Variants in WDPCP observed in about 807,000 individuals in gnomAD.
WDPCP encodes the protein WD repeat containing planar cell polarity effector.
In WDPCP, 71 loss-of-function variants were observed where a neutral mutation model predicts 93.1. The observed-to-expected ratio is 0.76, with a 90% CI of 0.63 to 0.93. The LOEUF (loss-of-function observed/expected upper bound fraction) is 0.93, where lower values mean the gene tolerates loss of function less well. Ranked by LOEUF, WDPCP falls within the 40% of genes least tolerant of loss-of-function variation. The pLI is 0.00. For missense variants in WDPCP, 844 were observed against 887.4 expected, an observed-to-expected ratio of 0.95 and a Z score of 0.62; for synonymous variants, 315 against 315.0, an observed-to-expected ratio of 1.00 and a Z score of 0.00.
intron 2 of WDPCP, among the ~76,000 whole-genome samples, chr2:63,668,266 C>A (rs767944422): frequency 1.4e-4 from 22 of 152,096 alleles, no homozygotes; most frequent in Non-Finnish European, 2.6e-4. Context: ...CTCCTGCATC[C>A]CCTCTCCCAC....
chr2:63,473,628 T>C (rs540521438), intron 6 of WDPCP, among the ~76,000 whole-genome samples: 2 of 152,324 alleles, frequency 1.3e-5, no homozygotes, highest in South Asian at 4.1e-4. Context: ...AGGTACCACA[T>C]AGCCATCTGG....
chr2:63,458,343 C>G (rs1698780690), intron 6 of WDPCP, among the ~76,000 whole-genome samples: 1 of 151,568 alleles, frequency 6.6e-6, no homozygotes, highest in African/African-American at 2.4e-5. Context: ...CACCAGAAAA[C>G]TCTTAGAACT....
chr2:63,556,250 A>G (rs956295639), intron 1 of WDPCP, among the ~76,000 whole-genome samples: 3 of 152,220 alleles, frequency 2.0e-5, no homozygotes, highest in Non-Finnish European at 4.4e-5. Context: ...AGAATTTCAG[A>G]GCTTGAAGAC....
intron 14 of WDPCP, among the ~76,000 whole-genome samples, chr2:63,221,359 A>G (rs1482113985): frequency 2.6e-5 from 4 of 152,208 alleles, no homozygotes; most frequent in Non-Finnish European, 4.4e-5. Flanking sequence ...GGATAAGGGA[A>G]TAGGCTGTGG....
intron 10 of WDPCP, among the ~76,000 whole-genome samples, chr2:63,397,447 T>G (rs1243410815): frequency 6.6e-6 from 1 of 152,070 alleles, no homozygotes; most frequent in Non-Finnish European, 1.5e-5. Flanking sequence ...GATGAATATG[T>G]GGATGTGGAG....
At chr2:63,146,130 A>G (rs1021192801) in intron 17 of WDPCP, among the ~76,000 whole-genome samples, 3 of 152,162 alleles carry the variant, frequency 2.0e-5, no homozygotes, top group Non-Finnish European at 4.4e-5. Context: ...TTCTCTAGAT[A>G]TAGGACGATG....
intron 15 of WDPCP, 50 bp downstream of exon 15, chr2:63,174,620 G>T: frequency 1.2e-6 from 2 of 1,606,930 alleles, no homozygotes; most frequent in Non-Finnish European, 1.7e-6. Flanking sequence ...ATTTGAACAG[G>T]TAATACTAAA....
rs747546452 is a variant in WDPCP, at chr2:63,313,359, A to C, written c.1749-48T>G. Reference sequence around the variant, plus strand: ...ATGTTAGTTGTGAACAAGAATATATAAAAGAAAAGAGCTGTTTATTTAACA... The same window carrying C: ...ATGTTAGTTGTGAACAAGAATATATCAAAGAAAAGAGCTGTTTATTTAACA... On this transcript the variant is annotated intron_variant, in intron 12 of 17. Transcript: ENST00000272321. The C allele has an allele frequency of 6.5e-6, 10 of 1,529,446 alleles. No individual in the cohort carries two copies. The East Asian group carries it at 2.3e-4, about 36-fold the overall frequency. 94.7% of individuals were successfully genotyped at this position (1,529,446 alleles called of 1,614,324 possible).
chr2:63,208,115 A>G (rs1169867148), intron 14 of WDPCP, among the ~76,000 whole-genome samples: 5 of 152,136 alleles, frequency 3.3e-5, no homozygotes, highest in African/African-American at 1.2e-4. Context: ...ATTCTTTCAT[A>G]ACTTATATCA....
chr2:63,580,196 T>TA (rs1379649829), intron 1 of WDPCP, among the ~76,000 whole-genome samples: 1 of 152,152 alleles, frequency 6.6e-6, no homozygotes, highest in African/African-American at 2.4e-5. Context: ...AACTCAAACT[T>TA]ACAGTAGAAT....
chr2:63,745,037 A>G (rs757434714), intron 2 of WDPCP, among the ~76,000 whole-genome samples: 60 of 152,228 alleles, frequency 3.9e-4, no homozygotes, highest in Admixed American at 1.7e-3. Context: ...AATCATATAA[A>G]CAATATGTGA....
intron 2 of WDPCP, among the ~76,000 whole-genome samples, chr2:63,699,091 A>G (rs1006656138): frequency 6.6e-6 from 1 of 152,136 alleles, no homozygotes; most frequent in African/African-American, 2.4e-5. Flanking sequence ...CCCTTCCAAC[A>G]GCTACTCCCA....
chr2:63,673,690 G>T (rs1575744224), intron 2 of WDPCP, among the ~76,000 whole-genome samples: 1 of 152,180 alleles, frequency 6.6e-6, no homozygotes, highest in East Asian at 1.9e-4. Flanking sequence ...TACAGCATTT[G>T]CTGTGAGGAT....
intron 2 of WDPCP, among the ~76,000 whole-genome samples, chr2:63,764,215 G>A (rs1216253593): frequency 6.6e-6 from 1 of 151,992 alleles, no homozygotes; most frequent in African/African-American, 2.4e-5. Flanking sequence ...TTTAATCTCT[G>A]GCTCCACATA....
At chr2:63,697,214 C>G (rs899023351) in intron 2 of WDPCP, among the ~76,000 whole-genome samples, 48 of 152,216 alleles carry the variant, frequency 3.2e-4, no homozygotes, top group African/African-American at 1.0e-3. Context: ...GTTCTAAGTA[C>G]TTGGCAAATG....
At chr2:63,575,489 A>ACAGTATATACAGCGTATGCACT (rs1257278044) in intron 1 of WDPCP, among the ~76,000 whole-genome samples, 754 of 17,308 alleles carry the variant, frequency 0.044, 214 homozygotes, top group South Asian at 0.075. Context: ...GTGTATATAT[A>ACAGTATATACAGCGTATGCACT]GTATATACAG....
intron 13 of WDPCP, among the ~76,000 whole-genome samples, chr2:63,292,409 T>C (rs1648588701): frequency 6.6e-6 from 1 of 151,982 alleles, no homozygotes; most frequent in Non-Finnish European, 1.5e-5. Flanking sequence ...AATTGTCTAA[T>C]TTTTTGTTTT....
rs10714315 is a variant in WDPCP at position 63,173,268 on chromosome 2, C to CA, written c.2078+1401dup. ...GGGCAACTAGAGCGAAACTCTGTCG[C>CA]AAAAAAAAAAAAAAAAAGAAAAAAT... is the stretch of plus-strand genomic sequence containing the variant. On this transcript the variant is annotated intron_variant, in intron 15 of 17. Coordinates refer to ENST00000272321, the MANE Select transcript of WDPCP (RefSeq NM_015910.7). Among the ~76,000 whole-genome samples, 700 of 123,876 alleles carry CA rather than the reference C, an allele frequency of 5.7e-3. 5 individuals carry two copies. Among genetic ancestry groups the CA allele is most frequent in the South Asian group, 0.012 (47 of 3,800 alleles). The allele number at this position is 123,876 out of a possible 152,430, so 81.3% of individuals were successfully genotyped here. A position where few individuals can be genotyped will look rare whatever the true frequency, so the allele number is the denominator to read the frequency against.
At chr2:63,697,619 T>C (rs990129713) in intron 2 of WDPCP, among the ~76,000 whole-genome samples, 2 of 152,204 alleles carry the variant, frequency 1.3e-5, no homozygotes, top group Non-Finnish European at 2.9e-5. Context: ...AATAATTTTC[T>C]ATAATGTCTA....
Sources: allele counts gnomAD v4.1 joint callset (sites outside exome capture counted in the v4.1 genomes callset), GRCh38; gene constraint gnomAD v4.1.1; transcripts MANE v1.5; gene names NCBI Gene and HGNC (gene_info 2026-07-23, HGNC 2026-07-21).